The following ARF3 variants were observed in gnomAD, a reference collection of about 807,000 sequenced individuals.
ARF3 encodes ADP-ribosylation factor 3.
Under a neutral mutation model 19.3 loss-of-function variants are expected in ARF3, and 5 were observed. That is an observed-to-expected ratio of 0.26 (90% CI 0.14 to 0.54). ARF3 has a LOEUF of 0.54. Ranked by LOEUF, ARF3 falls within the 20% of genes least tolerant of loss-of-function variation. ARF3 has a pLI of 0.95. For synonymous variants in ARF3, 71 were observed against 89.2 expected (o/e 0.80, Z 1.15); for missense variants, 77 against 234.2 (o/e 0.33, Z 4.38).
intron 1 of ARF3, among the ~76,000 whole-genome samples, chr12:48,947,187 A>G (rs1187752301): frequency 6.6e-6 from 1 of 152,220 alleles, no homozygotes; most frequent in African/African-American, 2.4e-5. Context: ...TTGTCTCAAG[A>G]GCACTGAAAT....
Position 48,939,158 on chromosome 12 carries a change from G to GC in ARF3, c.385-51dup. 6.3e-7 allele frequency: 1 copy of GC among 1,583,622 alleles called. No individual in the cohort carries two copies. The highest frequency in any genetic ancestry group is 8.6e-7 in the Non-Finnish European group (1 of 1,161,588). ...AAAGAAGCCTCAGGATTTTTTAAAG[G>GC]CTTCTAGAACACCCATCTACCAAAG... On this transcript the variant is annotated intron_variant, in intron 4 of 4. Transcript: ENST00000256682. This position sits in a 1 kb window ranked among gnomAD's most constrained non-coding sequence, Gnocchi z 4.8.
chr12:48,941,250 A>C (rs2137578949), intron 1 of ARF3, 62 bp from the exon 2 acceptor site: 1 of 916,808 alleles, frequency 1.1e-6, no homozygotes, highest in East Asian at 2.7e-5. Context: ...AAGTAAATAG[A>C]ATTTCCCAAG....
At chr12:48,948,803 T>C (rs1940408749) in intron 1 of ARF3, among the ~76,000 whole-genome samples, 2 of 151,332 alleles carry the variant, frequency 1.3e-5, no homozygotes, top group Admixed American at 1.3e-4. Context: ...AGAGTGAGAC[T>C]CGGTCTCAAA....
At chr12:48,940,872 G>C in intron 2 of ARF3, 76 bp downstream of exon 2, 1 of 1,472,624 alleles carries the variant, frequency 6.8e-7, no homozygotes, top group East Asian at 2.5e-5. Flanking sequence ...AAGAGGCCAG[G>C]TTGGGGAACC....
At chr12:48,942,280 C>T (rs938237527) in intron 1 of ARF3, among the ~76,000 whole-genome samples, 1 of 150,608 alleles carries the variant, frequency 6.6e-6, no homozygotes, top group Non-Finnish European at 1.5e-5. Flanking sequence ...GAGGTCTTAC[C>T]GTGTTGCCCA....
In ARF3 at chr12:48,949,157, G is replaced by A. The variant is rs371346855; in HGVS notation, c.-93-7969C>T. 1.9e-3 allele frequency among the ~76,000 whole-genome samples: 282 copies of A among 152,332 alleles called. 9 individuals carry two copies. In the South Asian group the frequency reaches 0.055, roughly 30 times the overall value. The stretch of plus-strand genomic sequence containing the variant: ...ATTCCCAGGTTTCTGGCCTAGGGCT[G>A]GGTGGCATTTCTTCAGAAAGAAAAT... On this transcript the variant is annotated intron_variant, in intron 1 of 4. Transcript: ENST00000256682.
At chr12:48,944,049 T>C (rs915217262) in intron 1 of ARF3, among the ~76,000 whole-genome samples, 1 of 152,234 alleles carries the variant, frequency 6.6e-6, no homozygotes, top group Admixed American at 6.5e-5. Context: ...CTCATGAAAT[T>C]TAAACCTTTC....
chr12:48,942,541 C>T (rs1940278903), intron 1 of ARF3, among the ~76,000 whole-genome samples: 1 of 152,200 alleles, frequency 6.6e-6, no homozygotes, highest in African/African-American at 2.4e-5. Context: ...CACAGACACA[C>T]ACCACTCCCT....
rs1383341712 is a variant in ARF3, at chr12:48,937,763, C to G, written c.*1184G>C. On this transcript the variant is annotated 3_prime_UTR_variant, in exon 5 of 5. Transcript: ENST00000256682. Reference sequence around the variant, plus strand: ...TATGTCACCCCACTTCCCAGCTCCTCATTAGAATACCCAGTCAGCCCTGGT... The same window carrying G: ...TATGTCACCCCACTTCCCAGCTCCTGATTAGAATACCCAGTCAGCCCTGGT... 6.6e-6 allele frequency: 1 copy of G among 152,362 alleles called. No homozygotes were observed. The highest frequency in any genetic ancestry group is 1.5e-5 in the Non-Finnish European group (1 of 68,148). The allele number at this position is 152,362 out of a possible 1,614,324, so 9.4% of individuals were successfully genotyped here. A position where few individuals can be genotyped will look rare whatever the true frequency, so the allele number is the denominator to read the frequency against.
At chr12:48,943,173 A>C (rs888378752) in intron 1 of ARF3, among the ~76,000 whole-genome samples, 1 of 152,094 alleles carries the variant, frequency 6.6e-6, no homozygotes, top group Non-Finnish European at 1.5e-5. Flanking sequence ...GGACCAAAAG[A>C]ATCATTATGA....
chr12:48,950,976 A>AGGGTCTCACCATGTTGGTCAGGC (rs1940457795), intron 1 of ARF3, among the ~76,000 whole-genome samples: 1 of 151,938 alleles, frequency 6.6e-6, no homozygotes, highest in Non-Finnish European at 1.5e-5. Flanking sequence ...TAGTAGAGAC[A>AGGGTCTCACCATGTTGGTCAGGC]GGGTCTCACC....
At chr12:48,949,647 A>C (rs1202048968) in intron 1 of ARF3, among the ~76,000 whole-genome samples, 1 of 151,940 alleles carries the variant, frequency 6.6e-6, no homozygotes, top group African/African-American at 2.4e-5. Flanking sequence ...GGCTCAAGAG[A>C]TCCTCCCACC....
Position 48,944,178 on chromosome 12 carries a change from T to A in ARF3, c.-93-2990A>T, listed in dbSNP as rs530435668. ...ATCAGGCTTTGGCCCAGATTCTGAA[T>A]TAAATTTATGCCACACATTTATCTT... On this transcript the variant is annotated intron_variant, in intron 1 of 4. Coordinates refer to ENST00000256682, the MANE Select transcript of ARF3 (RefSeq NM_001659.3). 3.3e-5 allele frequency among the ~76,000 whole-genome samples: 5 copies of A among 152,390 alleles called. No homozygotes were observed. The East Asian group carries it at 9.6e-4, about 29-fold the overall frequency.
In ARF3 at chr12:48,939,656, T is replaced by C; in HGVS notation, c.383A>G (p.Gln128Arg). The C allele has an allele frequency of 6.2e-7, 1 of 1,614,200 alleles. No individual in the cohort carries two copies. The highest frequency in any genetic ancestry group is 8.5e-7 in the Non-Finnish European group (1 of 1,180,020). The change falls in exon 4 of 5, where the codon CAG becomes CGG. Residue 128 changes from glutamine (Q) to arginine (R), a missense_variant and splice_region_variant. Gln to Arg is a conservative substitution (Grantham distance 43). Transcript: ENST00000256682. The surrounding 1 kb of genome is among the most constrained non-coding windows in gnomAD (Gnocchi z 4.8). ...DAVLLVFANK[Q>R]DLPNAMNAAE... ...TTCAGGGGTGGGAAGAAGTCTCACCTGTTTGTTTGCAAAGACAAGGAGTAC... is the reference window on the plus strand; with the variant it reads ...TTCAGGGGTGGGAAGAAGTCTCACCCGTTTGTTTGCAAAGACAAGGAGTAC...
intron 1 of ARF3, chr12:48,956,968 C>T (rs909982515): frequency 1.3e-5 from 2 of 152,520 alleles, no homozygotes; most frequent in African/African-American, 2.4e-5. Flanking sequence ...AAACAGCCAT[C>T]ACCGCCCCCT....
intron 1 of ARF3, among the ~76,000 whole-genome samples, chr12:48,945,067 GA>G (rs1003728200): frequency 1.0e-4 from 15 of 149,894 alleles, no homozygotes; most frequent in African/African-American, 3.4e-4. Flanking sequence ...TGGAATCCAG[GA>G]GGCAGAGGTT....
chr12:48,941,427 C>T (rs998590509), intron 1 of ARF3: 2 of 195,440 alleles, frequency 1.0e-5, no homozygotes, highest in African/African-American at 4.7e-5. Flanking sequence ...CAAGTTACTT[C>T]ACTTTTCCAT....
intron 2 of ARF3, 122 bp from the exon 3 acceptor site, chr12:48,940,229 G>C: frequency 1.3e-6 from 1 of 795,064 alleles, no homozygotes; most frequent in Non-Finnish European, 2.1e-6. Context: ...TGGAACAAAA[G>C]CTAAGGCTTC....
chr12:48,945,517 T>C (rs910595399), intron 1 of ARF3, among the ~76,000 whole-genome samples: 1 of 151,380 alleles, frequency 6.6e-6, no homozygotes, highest in East Asian at 2.0e-4. Context: ...GTCGATATCA[T>C]GCCATCACAC....
Sources: gnomAD v4.1 joint callset for allele counts (sites outside exome capture counted in the v4.1 genomes callset) on GRCh38, gnomAD v4.1.1 for gene constraint, Gnocchi (gnomAD v3.1) non-coding constraint, MANE v1.5 for transcripts, NCBI Gene and HGNC (gene_info 2026-07-23, HGNC 2026-07-21) for gene names.